KIF26B: variants seen among roughly 807,000 people sequenced by gnomAD.
KIF26B encodes the protein kinesin-like protein KIF26B.
Under a neutral mutation model 151.2 loss-of-function variants are expected in KIF26B, and 63 were observed. The observed-to-expected ratio is 0.42, with a 90% confidence interval of 0.34 to 0.51. KIF26B has a LOEUF of 0.51. Among genes scored for constraint, KIF26B ranks in the 20% least tolerant of loss-of-function variants. The pLI is 0.07. For missense variants in KIF26B, 2,813 were observed against 2,913.6 expected (o/e 0.97, Z 0.79); for synonymous variants, 1,357 against 1,262.1 (o/e 1.08, Z -1.59).
chr1:245,189,092 C>T (rs1425565426), intron 2 of KIF26B, among the ~76,000 whole-genome samples: 7 of 152,106 alleles, frequency 4.6e-5, no homozygotes, highest in Non-Finnish European at 8.8e-5. Context: ...AGTTTCAATT[C>T]GGGAAGATGA....
Position 245,162,375 on chromosome 1 carries a change from C to CTTTT in KIF26B, c.465+5717_465+5720dup, listed in dbSNP as rs138853411. Among the ~76,000 whole-genome samples, 14 of 76,534 alleles carry CTTTT rather than the reference C, an allele frequency of 1.8e-4. 1 individual carries two copies. Among genetic ancestry groups the CTTTT allele is most frequent in the African/African-American group, 7.2e-4 (14 of 19,556 alleles). The allele number at this position is 76,534 out of a possible 152,430, so 50.2% of individuals were successfully genotyped here. A position where few individuals can be genotyped will look rare whatever the true frequency, so the allele number is the denominator to read the frequency against. On this transcript the variant is annotated intron_variant, in intron 2 of 14. Transcript: ENST00000407071. The stretch of plus-strand genomic sequence containing the variant: ...CTATAGATGCACCCATCAGAAATAT[C>CTTTT]TTTTTTTTTTTTTTTTTTTTTTTTT...
At chr1:245,298,075 C>T (rs534142720) in intron 2 of KIF26B, among the ~76,000 whole-genome samples, 3 of 152,116 alleles carry the variant, frequency 2.0e-5, no homozygotes, top group South Asian at 4.2e-4. Flanking sequence ...TTAGTAGAGA[C>T]GGGCTCTCAC....
At chr1:245,549,757 T>A (rs1231375920) in intron 5 of KIF26B, among the ~76,000 whole-genome samples, 1 of 151,774 alleles carries the variant, frequency 6.6e-6, no homozygotes, top group South Asian at 2.1e-4. Flanking sequence ...AATGTATTAT[T>A]ATGGAGGGGG....
rs2044481793 is a variant in KIF26B, at chr1:245,684,408, CG to C, written c.2421+17del. 6.5e-7 allele frequency: 1 copy of C among 1,542,900 alleles called. No individual in the cohort carries two copies. The highest frequency in any genetic ancestry group is 1.9e-5 in the Admixed American group (1 of 53,968). ...AAAGAAGACGAAGGTAAGGAGCTCG[CG>C]GGGTGGGGGGGTGGTGGATGAGGGA... On this transcript the variant is annotated intron_variant, in intron 11 of 14. Coordinates refer to ENST00000407071, the MANE Select transcript of KIF26B (RefSeq NM_018012.4).
chr1:245,317,195 C>T (rs144779370), intron 2 of KIF26B, among the ~76,000 whole-genome samples: 4 of 152,192 alleles, frequency 2.6e-5, no homozygotes, highest in African/African-American at 7.2e-5. Flanking sequence ...GAATTTAGTT[C>T]TCTTCCCGGT....
intron 5 of KIF26B, among the ~76,000 whole-genome samples, chr1:245,548,605 C>G (rs887156331): frequency 2.6e-5 from 4 of 152,204 alleles, no homozygotes; most frequent in Non-Finnish European, 5.9e-5. Context: ...TGAGGGCCAG[C>G]AAGAGGCACT....
At chr1:245,622,033 C>T (rs571027233) in intron 9 of KIF26B, among the ~76,000 whole-genome samples, 79 of 152,224 alleles carry the variant, frequency 5.2e-4, no homozygotes, top group Non-Finnish European at 9.7e-4. Flanking sequence ...GAATTGGTCT[C>T]TGTCTTTGCC....
intron 3 of KIF26B, among the ~76,000 whole-genome samples, chr1:245,391,787 T>C (rs1044964093): frequency 3.9e-5 from 6 of 152,196 alleles, no homozygotes; most frequent in Non-Finnish European, 8.8e-5. Flanking sequence ...GGGTTTATTA[T>C]TTTAAAATAA....
At chr1:245,190,629 G>GTTTTTTTTTTT (rs768099890) in intron 2 of KIF26B, among the ~76,000 whole-genome samples, 21 of 80,070 alleles carry the variant, frequency 2.6e-4, no homozygotes, top group African/African-American at 5.9e-4. Context: ...TTCCCTGAAT[G>GTTTTTTTTTTT]TTTTGTTTTG....
chr1:245,259,576 A>C (rs1430981087), intron 2 of KIF26B, among the ~76,000 whole-genome samples: 1 of 152,186 alleles, frequency 6.6e-6, no homozygotes, highest in East Asian at 1.9e-4. Context: ...TCACCCACTG[A>C]GAACCTGCTA....
chr1:245,168,076 T>C (rs1668643635), intron 2 of KIF26B, among the ~76,000 whole-genome samples: 1 of 152,214 alleles, frequency 6.6e-6, no homozygotes, highest in Non-Finnish European at 1.5e-5. Context: ...TTTTCTTTTG[T>C]AATCTAAGAG....
intron 10 of KIF26B, among the ~76,000 whole-genome samples, chr1:245,670,992 C>G (rs2044279831): frequency 6.6e-6 from 1 of 152,166 alleles, no homozygotes; most frequent in Admixed American, 6.5e-5. Context: ...ATCCCCCATA[C>G]TCTCCCAATA....
At chr1:245,389,182 C>T (rs1028102280) in intron 3 of KIF26B, among the ~76,000 whole-genome samples, 3 of 152,064 alleles carry the variant, frequency 2.0e-5, no homozygotes, top group Non-Finnish European at 2.9e-5. Context: ...GGCATGGCCT[C>T]GGCTCACTGC....
Position 245,702,559 on chromosome 1 carries a change from C to A in KIF26B, c.6280C>A (p.His2094Asn). The A allele has an allele frequency of 6.2e-7, 1 of 1,613,980 alleles. No individual in the cohort carries two copies. The highest frequency in any genetic ancestry group is 1.3e-5 in the African/African-American group (1 of 75,038). ...GAGCCGTGTCAACTTCTGCAAGGCC[C>A]ATCTCATGATGATCACCTGCTTCGA... ...LESRVNFCKA[H>N]LMMITCFDIT... The change falls in exon 15 of 15, where the codon CAT (histidine) becomes AAT (asparagine). Residue 2094 changes from histidine (H) to asparagine (N), a missense_variant. Physicochemically the swap from His to Asn is moderately conservative, Grantham distance 68. This residue lies in a region of KIF26B where 2,060 missense variants were observed against 2,088.6 expected (regional missense o/e 0.99). Transcript: ENST00000407071. This position sits in a 1 kb window ranked among gnomAD's most constrained non-coding sequence, Gnocchi z 4.1.
intron 3 of KIF26B, among the ~76,000 whole-genome samples, chr1:245,417,074 C>T (rs1674437245): frequency 6.6e-6 from 1 of 150,828 alleles, no homozygotes; most frequent in Non-Finnish European, 1.5e-5. Flanking sequence ...CATGGACCTG[C>T]CCCCGCCCCA....
intron 2 of KIF26B, among the ~76,000 whole-genome samples, chr1:245,174,196 G>T (rs1668763444): frequency 6.6e-6 from 1 of 152,164 alleles, no homozygotes; most frequent in African/African-American, 2.4e-5. Flanking sequence ...TTATGTGTAT[G>T]ACTCTTTTGG....
At chr1:245,652,738 T>C (rs1361159395) in intron 10 of KIF26B, among the ~76,000 whole-genome samples, 2 of 152,202 alleles carry the variant, frequency 1.3e-5, no homozygotes, top group Non-Finnish European at 2.9e-5. Flanking sequence ...CCTCGTCCTT[T>C]TCATTCTTAA....
At chr1:245,213,688 G>A (rs573979381) in intron 2 of KIF26B, among the ~76,000 whole-genome samples, 2 of 152,216 alleles carry the variant, frequency 1.3e-5, no homozygotes, top group South Asian at 4.1e-4. Flanking sequence ...ATCATCAGAA[G>A]GCGTTGTGCG....
chr1:245,698,346 G>A lies in KIF26B; in HGVS notation c.6027+38G>A, dbSNP rs760923412. On this transcript the variant is annotated intron_variant, in intron 13 of 14. Coordinates refer to ENST00000407071, the MANE Select transcript of KIF26B (RefSeq NM_018012.4). The surrounding 1 kb of genome is among the most constrained non-coding windows in gnomAD (Gnocchi z 4.0). ...CCTTCCCACCCCCTGCCTACGTGGT[G>A]GCAGCTCCCCACCAAGCCTGAGCAG... 26 of 1,580,140 alleles carry A rather than the reference G, an allele frequency of 1.6e-5. No homozygotes were observed. The highest frequency in any genetic ancestry group is 1.3e-5 in the African/African-American group (1 of 74,444).
Sources: allele counts gnomAD v4.1 joint callset (sites outside exome capture counted in the v4.1 genomes callset), GRCh38; gene constraint gnomAD v4.1.1; regional missense constraint gnomAD v4.1.1; non-coding constraint Gnocchi (gnomAD v3.1); transcripts MANE v1.5; gene names NCBI Gene and HGNC (gene_info 2026-07-23, HGNC 2026-07-21).